C12orf56: variants seen among roughly 807,000 people sequenced by gnomAD.
C12orf56 encodes the protein chromosome 12 open reading frame 56.
A neutral mutation model predicts 69.9 loss-of-function variants in C12orf56; 71 were observed. The ratio of observed to expected loss-of-function variants is 1.02; its 90% CI spans 0.84 to 1.24. C12orf56 has a LOEUF of 1.24. Among genes scored for constraint, C12orf56 ranks in the 50% most tolerant of loss-of-function variants. C12orf56 has a pLI of 0.00. For synonymous variants in C12orf56, 276 were observed against 274.1 expected (o/e 1.01, Z -0.07); for missense variants, 732 against 738.5 (o/e 0.99, Z 0.10).
rs1217027958 is a variant in C12orf56, at chr12:64,265,856, G to T, written c.*1327C>A. 6.6e-6 allele frequency: 1 copy of T among 152,148 alleles called. No individual in the cohort carries two copies. The highest frequency in any genetic ancestry group is 2.4e-5 in the African/African-American group (1 of 41,420). 9.4% of individuals were successfully genotyped at this position (152,148 alleles called of 1,614,324 possible). A position where few individuals can be genotyped will look rare whatever the true frequency, so the allele number is the denominator to read the frequency against. The stretch of plus-strand genomic sequence containing the variant: ...ATTTGTGGAATTAAATTAGTTTATG[G>T]CATAAAATATAGTAAAGACAAGTTT... On this transcript the variant is annotated 3_prime_UTR_variant, in exon 13 of 13. Coordinates refer to ENST00000543942, the MANE Select transcript of C12orf56 (RefSeq NM_001170633.2).
intron 2 of C12orf56, among the ~76,000 whole-genome samples, chr12:64,340,482 T>A (rs1239076186): frequency 6.6e-6 from 1 of 152,064 alleles, no homozygotes; most frequent in Non-Finnish European, 1.5e-5. Context: ...ATAAAGACAA[T>A]AATAAGGTCA....
In C12orf56 at chr12:64,367,933, G is replaced by A. The variant is rs192047896; in HGVS notation, c.253-14877C>T. Among the ~76,000 whole-genome samples the A allele has an allele frequency of 3.2e-3, 480 of 151,476 alleles. 5 individuals are homozygous for A. Among genetic ancestry groups the A allele is most frequent in the African/African-American group, 0.011 (461 of 41,234 alleles). On this transcript the variant is annotated intron_variant, in intron 1 of 12. Transcript: ENST00000543942. The stretch of plus-strand genomic sequence containing the variant: ...AGTGATTCTCCTGCCTCAGACTCCG[G>A]AGTAGCTGGGATTACAGGTGCATGC...
chr12:64,355,243 A>G (rs1250103168), intron 1 of C12orf56, among the ~76,000 whole-genome samples: 1 of 152,204 alleles, frequency 6.6e-6, no homozygotes, highest in African/African-American at 2.4e-5. Flanking sequence ...CAATTTATAA[A>G]ATCTAAATCA....
At chr12:64,300,498 C>A (rs1351075334) in intron 6 of C12orf56, among the ~76,000 whole-genome samples, 2 of 152,170 alleles carry the variant, frequency 1.3e-5, no homozygotes, top group Non-Finnish European at 2.9e-5. Context: ...CCTACCTAGA[C>A]ATGCACTTTA....
chr12:64,375,076 TA>T (rs2039623356), intron 1 of C12orf56, among the ~76,000 whole-genome samples: 2 of 151,980 alleles, frequency 1.3e-5, no homozygotes, highest in East Asian at 1.9e-4. Context: ...ATTATTTATT[TA>T]TTTATTTTTT....
Position 64,347,863 on chromosome 12 carries a change from G to A in C12orf56, c.415+5031C>T, listed in dbSNP as rs185981435. On this transcript the variant is annotated intron_variant, in intron 2 of 12. Coordinates refer to ENST00000543942, the MANE Select transcript of C12orf56 (RefSeq NM_001170633.2). The stretch of plus-strand genomic sequence containing the variant: ...ATCAAAATATAAATTTTTGCCTAGC[G>A]TTAAAGGATTGTTTTGAATTAGATA... Among the ~76,000 whole-genome samples the A allele has an allele frequency of 8.5e-4, 129 of 152,298 alleles. 1 individual carries two copies. In the East Asian group the frequency reaches 0.011, roughly 13 times the overall value.
At chr12:64,269,745 G>A (rs779393874) in intron 12 of C12orf56, among the ~76,000 whole-genome samples, 3 of 151,728 alleles carry the variant, frequency 2.0e-5, no homozygotes, top group Non-Finnish European at 4.4e-5. Context: ...TGCACCACCA[G>A]GCTCAGCTTA....
chr12:64,317,696 G>A (rs2038707052), intron 4 of C12orf56, among the ~76,000 whole-genome samples: 1 of 151,406 alleles, frequency 6.6e-6, no homozygotes, highest in South Asian at 2.1e-4. Flanking sequence ...GGAGGTAGAG[G>A]TTTCAGTGAG....
At chr12:64,324,349 G>A (rs1301718431) in intron 3 of C12orf56, among the ~76,000 whole-genome samples, 1 of 152,206 alleles carries the variant, frequency 6.6e-6, no homozygotes, top group Non-Finnish European at 1.5e-5. Context: ...TTACAAAAGT[G>A]CAATTGAAAT....
intron 1 of C12orf56, among the ~76,000 whole-genome samples, chr12:64,387,546 A>C (rs1289151146): frequency 1.3e-5 from 2 of 152,204 alleles, no homozygotes; most frequent in Non-Finnish European, 2.9e-5. Flanking sequence ...AGCCAGGCAC[A>C]GTGGCTCATG....
intron 2 of C12orf56, among the ~76,000 whole-genome samples, chr12:64,335,690 A>G (rs1003244059): frequency 3.9e-5 from 6 of 152,200 alleles, no homozygotes; most frequent in Non-Finnish European, 7.3e-5. Flanking sequence ...TATGTATACT[A>G]AAAAGAAAAG....
chr12:64,375,340 C>T (rs1186815619), intron 1 of C12orf56, among the ~76,000 whole-genome samples: 2 of 152,180 alleles, frequency 1.3e-5, no homozygotes, highest in Admixed American at 6.5e-5. Context: ...CAGGCATGAG[C>T]CACCATGCCA....
intron 2 of C12orf56, among the ~76,000 whole-genome samples, chr12:64,350,093 GAA>G (rs200890156): frequency 0.018 from 2,106 of 119,512 alleles, 60 homozygotes; most frequent in African/African-American, 0.063. Flanking sequence ...CTCAGTCTCA[GAA>G]AAAAAAAAAA....
intron 5 of C12orf56, among the ~76,000 whole-genome samples, chr12:64,308,884 G>A (rs1432474676): frequency 2.0e-5 from 2 of 101,674 alleles, no homozygotes; most frequent in Admixed American, 1.2e-4. Flanking sequence ...GAAAGAAACA[G>A]AAAGGAAGAA....
At position 64,352,947 on chromosome 12, in the gene C12orf56, C is replaced by G. The variant is rs373141838; in HGVS notation, c.362G>C (p.Ser121Thr). Residue 121 changes from serine to threonine, a missense_variant, in exon 2 of 13, where the codon AGT becomes ACT. Ser to Thr is a moderately conservative substitution (Grantham distance 58). Transcript: ENST00000543942. ...AAATGGAAATAGGAATTTCCTGACACTGTTTGACTTTTTACACTCTTTTTT... is the reference window on the plus strand; with the variant it reads ...AAATGGAAATAGGAATTTCCTGACAGTGTTTGACTTTTTACACTCTTTTTT... ...VLKKECKKSN[S>T]VRKFLFPFHH... The G allele has an allele frequency of 3.0e-5, 48 of 1,612,970 alleles. No individual in the cohort carries two copies. The Admixed American group carries it at 5.3e-4, about 18-fold the overall frequency.
At position 64,323,834 on chromosome 12, in the gene C12orf56, T is replaced by G. The variant is rs553231319; in HGVS notation, c.489-4854A>C. ...CTGCAAACATTAACTAAAAACCTCT[T>G]TTATTTTTCTAAATTGGAGGAAAAC... On this transcript the variant is annotated intron_variant, in intron 3 of 12. Transcript: ENST00000543942. 1.1e-4 allele frequency among the ~76,000 whole-genome samples: 16 copies of G among 152,290 alleles called. 1 individual carries two copies. The highest frequency in any genetic ancestry group is 3.8e-4 in the African/African-American group (16 of 41,560).
intron 6 of C12orf56, among the ~76,000 whole-genome samples, chr12:64,286,307 G>T (rs528348726): frequency 6.6e-6 from 1 of 152,298 alleles, no homozygotes; most frequent in Admixed American, 6.5e-5. Context: ...AGTTAGGCCT[G>T]GCTTGACCAT....
At chr12:64,277,908 G>A in intron 8 of C12orf56, 105 bp from the exon 9 acceptor site, 1 of 922,512 alleles carries the variant, frequency 1.1e-6, no homozygotes, top group South Asian at 3.3e-5. Context: ...AAAGAATGAA[G>A]CATTGCAGAC....
intron 6 of C12orf56, among the ~76,000 whole-genome samples, chr12:64,295,619 G>T (rs549955212): frequency 6.6e-6 from 1 of 151,904 alleles, no homozygotes; most frequent in South Asian, 2.1e-4. Flanking sequence ...TGCAGTGAGC[G>T]GAGATGGTGC....
Sources: gnomAD v4.1 joint callset for allele counts (sites outside exome capture counted in the v4.1 genomes callset) on GRCh38, gnomAD v4.1.1 for gene constraint, MANE v1.5 for transcripts, NCBI Gene and HGNC (gene_info 2026-07-23, HGNC 2026-07-21) for gene names.